MICAL3: variants seen among roughly 807,000 people sequenced by gnomAD.
The protein encoded by MICAL3 is [F-actin]-monooxygenase MICAL3.
Under a neutral mutation model 207.4 loss-of-function variants are expected in MICAL3, and 62 were observed. That is an observed-to-expected ratio of 0.30 (90% CI 0.24 to 0.37). The LOEUF is 0.37. Ranked by LOEUF, MICAL3 falls within the 10% of genes least tolerant of loss-of-function variation. The probability of loss-of-function intolerance (pLI) is 1.00; values close to 1 mark genes in which losing one functional copy is unlikely to be tolerated. For missense variants in MICAL3, 2,368 were observed against 2,635.6 expected, an observed-to-expected ratio of 0.90 and a Z score of 2.22; for synonymous variants, 1,077 against 1,069.3, an observed-to-expected ratio of 1.01 and a Z score of -0.14.
At chr22:17,843,909 C>T (rs1372226802) in intron 19 of MICAL3, among the ~76,000 whole-genome samples, 2 of 151,996 alleles carry the variant, frequency 1.3e-5, no homozygotes, top group Non-Finnish European at 2.9e-5. Flanking sequence ...TGCAGTGGCA[C>T]GATCTCTGCT....
intron 17 of MICAL3, among the ~76,000 whole-genome samples, chr22:17,866,489 C>A (rs372293750): frequency 6.6e-6 from 1 of 152,210 alleles, no homozygotes; most frequent in Admixed American, 6.5e-5. Context: ...CCCCCTCCCG[C>A]ACCCTATCTC....
At chr22:17,800,567 T>C (rs2061927093) in intron 29 of MICAL3, among the ~76,000 whole-genome samples, 1 of 152,120 alleles carries the variant, frequency 6.6e-6, no homozygotes, top group African/African-American at 2.4e-5. Context: ...GGTAGTTCAC[T>C]GAGAGCCACT....
rs558971821 is a variant in MICAL3 at position 17,883,987 on chromosome 22, C to T, written c.2241+1891G>A. ...AATGTGACAACAGCAAACCCAAGAG[C>T]GCGGGTACCCTTGGGTGAGCCACCT... On this transcript the variant is annotated intron_variant, in intron 16 of 31. Transcript: ENST00000441493. 5.3e-5 allele frequency among the ~76,000 whole-genome samples: 8 copies of T among 152,304 alleles called. No homozygotes were observed. The East Asian group carries it at 1.3e-3, about 26-fold the overall frequency.
At position 17,865,000 on chromosome 22, in the gene MICAL3, T is replaced by C. The variant is rs1569102037; in HGVS notation, c.2518-14A>G. The C allele has an allele frequency of 6.3e-7, 1 of 1,592,390 alleles. No individual in the cohort carries two copies. The highest frequency in any genetic ancestry group is 8.6e-7 in the Non-Finnish European group (1 of 1,164,612). On this transcript the variant is annotated splice_polypyrimidine_tract_variant and intron_variant, in intron 18 of 31. Transcript: ENST00000441493. The stretch of plus-strand genomic sequence containing the variant: ...TCCTTTGGCCTCCTAGGAAAGTTCA[T>C]GAGAAAAAGAAGAGTGACTCTGACT...
At chr22:17,877,320 G>C (rs1602123697) in intron 16 of MICAL3, among the ~76,000 whole-genome samples, 1 of 125,064 alleles carries the variant, frequency 8.0e-6, no homozygotes, top group African/African-American at 4.0e-5. Flanking sequence ...GGTTAGGGAG[G>C]TTAGGGAGGT....
At chr22:17,941,570 C>A (rs1215857011) in intron 1 of MICAL3, among the ~76,000 whole-genome samples, 1 of 152,244 alleles carries the variant, frequency 6.6e-6, no homozygotes, top group African/African-American at 2.4e-5. Flanking sequence ...ACCAGAGCAA[C>A]AGCTGTCATT....
At chr22:17,862,776 G>A in intron 19 of MICAL3, 1 of 985,502 alleles carries the variant, frequency 1.0e-6, no homozygotes, top group Non-Finnish European at 1.2e-6. Flanking sequence ...TGAGCTGCCG[G>A]ACTAAGATGT....
chr22:18,013,527 T>C (rs1213754156), intron 1 of MICAL3, among the ~76,000 whole-genome samples: 5 of 152,146 alleles, frequency 3.3e-5, no homozygotes, highest in African/African-American at 1.2e-4. Flanking sequence ...GCATGGGTTT[T>C]CTTGGGAGAG....
In MICAL3 at chr22:17,979,316, G is replaced by A. The variant is rs566330758; in HGVS notation, c.-75+44965C>T. ...TCCCAGCACTTTGGGAGGCCGAGGCGAGCGGATCACCTGAGGTCAGGAGTT... is the reference window on the plus strand; with the variant it reads ...TCCCAGCACTTTGGGAGGCCGAGGCAAGCGGATCACCTGAGGTCAGGAGTT... On this transcript the variant is annotated intron_variant, in intron 1 of 31. Transcript: ENST00000441493. 1.8e-3 allele frequency among the ~76,000 whole-genome samples: 275 copies of A among 152,078 alleles called. 3 individuals carry two copies. The highest frequency in any genetic ancestry group is 5.4e-3 in the African/African-American group (226 of 41,470).
At chr22:17,929,863 C>T (rs993943273) in intron 1 of MICAL3, among the ~76,000 whole-genome samples, 5 of 152,174 alleles carry the variant, frequency 3.3e-5, no homozygotes, top group African/African-American at 4.8e-5. Flanking sequence ...CCACTGCGCC[C>T]GGCCTCTATG....
At chr22:17,791,391 C>A in intron 29 of MICAL3, 90 bp from the exon 30 acceptor site, 1 of 1,130,078 alleles carries the variant, frequency 8.8e-7, no homozygotes, top group Admixed American at 2.0e-5. Context: ...CAAAGAGGGC[C>A]GAGCAAGATG....
Position 17,796,592 on chromosome 22 carries a change from C to G in MICAL3, c.5651-5291G>C, listed in dbSNP as rs1478011050. On this transcript the variant is annotated intron_variant, in intron 29 of 31. Transcript: ENST00000441493. This position sits in a 1 kb window ranked among gnomAD's most constrained non-coding sequence, Gnocchi z 4.4. ...GAGCTTTCCCTCTTCAACACAGGCT[C>G]CAGGCAAATGTAACAAATGCTGGCG... is the stretch of plus-strand genomic sequence containing the variant. 6.6e-6 allele frequency among the ~76,000 whole-genome samples: 1 copy of G among 152,230 alleles called. No homozygotes were observed. The highest frequency in any genetic ancestry group is 2.4e-5 in the African/African-American group (1 of 41,454).
chr22:17,867,481 C>T (rs370508620), intron 17 of MICAL3, among the ~76,000 whole-genome samples: 39 of 152,338 alleles, frequency 2.6e-4, no homozygotes, highest in African/African-American at 9.4e-4. Context: ...TTGGATCATG[C>T]GCTACTTGTT....
intron 1 of MICAL3, among the ~76,000 whole-genome samples, chr22:17,934,367 T>C (rs1245811775): frequency 6.6e-6 from 1 of 152,198 alleles, no homozygotes; most frequent in Non-Finnish European, 1.5e-5. Context: ...CACAGGATTA[T>C]CTCAATAGGT....
intron 18 of MICAL3, 102 bp from the exon 19 acceptor site, chr22:17,865,088 TA>T (rs1926939428): frequency 7.4e-6 from 2 of 272,036 alleles, no homozygotes; most frequent in East Asian, 1.6e-4. Context: ...TTTTAAATTT[TA>T]TTTATTTATT....
At chr22:17,913,723 C>A (rs1253389177) in intron 1 of MICAL3, among the ~76,000 whole-genome samples, 2 of 152,164 alleles carry the variant, frequency 1.3e-5, no homozygotes, top group African/African-American at 4.8e-5. Flanking sequence ...CATTTCTATT[C>A]TTTGCTAACA....
intron 1 of MICAL3, among the ~76,000 whole-genome samples, chr22:17,949,774 G>T (rs1014078348): frequency 6.6e-6 from 1 of 152,362 alleles, no homozygotes; most frequent in South Asian, 2.1e-4. Flanking sequence ...GAAACAGCCA[G>T]GTAGTGACCC....
intron 1 of MICAL3, among the ~76,000 whole-genome samples, chr22:17,967,492 ACCCACACACACC>A (rs777685637): frequency 2.2e-4 from 32 of 148,612 alleles, no homozygotes; most frequent in Non-Finnish European, 1.9e-4. Context: ...ACACACACAC[ACCCACACACACC>A]CACTCATGCC....
At chr22:17,850,708 G>A (rs2146099972) in intron 19 of MICAL3, among the ~76,000 whole-genome samples, 1 of 152,168 alleles carries the variant, frequency 6.6e-6, no homozygotes, top group Middle Eastern at 3.4e-3. Flanking sequence ...CACCGTGCCT[G>A]GCCGAGTTAG....
Sources: gnomAD v4.1 joint callset for allele counts (sites outside exome capture counted in the v4.1 genomes callset) on GRCh38, gnomAD v4.1.1 for gene constraint, Gnocchi (gnomAD v3.1) non-coding constraint, MANE v1.5 for transcripts, NCBI Gene and HGNC (gene_info 2026-07-23, HGNC 2026-07-21) for gene names.